Variants in AVL9 observed in about 807,000 individuals in gnomAD.
AVL9 encodes AVL9 cell migration associated.
Under a neutral mutation model 79.2 loss-of-function variants are expected in AVL9, and 49 were observed. That is an observed-to-expected ratio of 0.62 (90% confidence interval 0.49 to 0.79). AVL9 has a LOEUF of 0.79. Among genes scored for constraint, AVL9 ranks in the 30% least tolerant of loss-of-function variants. The pLI, the probability that AVL9 is intolerant of heterozygous loss-of-function variation, is 0.00. For synonymous variants in AVL9, 299 were observed against 280.6 expected, an observed-to-expected ratio of 1.07 and a Z score of -0.65; for missense variants, 682 against 776.8, an observed-to-expected ratio of 0.88 and a Z score of 1.45.
intron 13 of AVL9, 106 bp from the exon 14 acceptor site, chr7:32,580,113 C>G: frequency 1.2e-6 from 1 of 848,072 alleles, no homozygotes; most frequent in Non-Finnish European, 1.9e-6. Context: ...GCACTACCAC[C>G]CAGCTGTGTT....
chr7:32,527,687 G>C (rs891671872), intron 1 of AVL9, among the ~76,000 whole-genome samples: 1 of 152,050 alleles, frequency 6.6e-6, no homozygotes, highest in Non-Finnish European at 1.5e-5. Context: ...ATGGGCCCAC[G>C]GCAGGCTGCT....
chr7:32,520,398 C>A (rs796760536), intron 1 of AVL9, among the ~76,000 whole-genome samples: 1 of 152,148 alleles, frequency 6.6e-6, no homozygotes, highest in Non-Finnish European at 1.5e-5. Context: ...TATTGATGCA[C>A]GACCCACAGC....
chr7:32,546,983 A>G (rs1210517457), intron 3 of AVL9, among the ~76,000 whole-genome samples: 2 of 152,114 alleles, frequency 1.3e-5, no homozygotes, highest in Non-Finnish European at 2.9e-5. Flanking sequence ...TGCTGGGAGG[A>G]AAAGCAGATT....
intron 15 of AVL9, among the ~76,000 whole-genome samples, chr7:32,582,570 T>C (rs184357872): frequency 3.9e-5 from 6 of 152,324 alleles, no homozygotes; most frequent in Admixed American, 2.0e-4. Context: ...TCATTATACG[T>C]TATTATTTTT....
At chr7:32,568,670 C>T (rs1306009142) in intron 10 of AVL9, among the ~76,000 whole-genome samples, 1 of 152,112 alleles carries the variant, frequency 6.6e-6, no homozygotes, top group South Asian at 2.1e-4. Flanking sequence ...TTGTAGGATA[C>T]TGTAGGATAA....
intron 1 of AVL9, among the ~76,000 whole-genome samples, chr7:32,523,669 C>T (rs111893352): frequency 0.017 from 2,637 of 150,734 alleles, 73 homozygotes; most frequent in African/African-American, 0.06. Context: ...GGGTGTGCCA[C>T]CACACCTGCC....
chr7:32,548,696 C>T (rs1179000218), intron 3 of AVL9, 151 bp from the exon 4 acceptor site: 2 of 504,542 alleles, frequency 4.0e-6, no homozygotes, highest in Non-Finnish European at 6.7e-6. Context: ...TTTATTTGTT[C>T]AGTATTTCCT....
intron 1 of AVL9, among the ~76,000 whole-genome samples, chr7:32,519,437 A>G (rs973403824): frequency 1.6e-4 from 25 of 151,936 alleles, no homozygotes; most frequent in African/African-American, 6.0e-4. Context: ...CAAAAAAAAA[A>G]AAAAGAAAAG....
At chr7:32,580,724 T>TGG in intron 14 of AVL9, 78 bp from the exon 15 acceptor site, 1 of 903,486 alleles carries the variant, frequency 1.1e-6, no homozygotes, top group East Asian at 2.6e-5. Context: ...TGTGTGTGTG[T>TGG]CTATATGTGT....
intron 1 of AVL9, among the ~76,000 whole-genome samples, chr7:32,539,595 A>G (rs753545481): frequency 6.6e-6 from 1 of 152,186 alleles, no homozygotes; most frequent in Non-Finnish European, 1.5e-5. Context: ...TGCCTCTGAC[A>G]CTGTTGACTG....
Position 32,495,662 on chromosome 7 carries a change from G to T in AVL9, c.-48G>T, listed in dbSNP as rs759011452. On this transcript the variant is annotated 5_prime_UTR_variant, in exon 1 of 16. Coordinates refer to ENST00000318709, the MANE Select transcript of AVL9 (RefSeq NM_015060.3). ...CGCACACGGTGGGGTCGTCAGACCC[G>T]CTGCCCTTGGCGGTCGAAGTCGTCG... 7.4e-6 allele frequency: 9 copies of T among 1,214,312 alleles called. No individual in the cohort carries two copies. The highest frequency in any genetic ancestry group is 9.4e-6 in the Non-Finnish European group (9 of 954,956). 75.2% of individuals were successfully genotyped at this position (1,214,312 alleles called of 1,614,324 possible). A position where few individuals can be genotyped will look rare whatever the true frequency, so the allele number is the denominator to read the frequency against.
In AVL9 at chr7:32,559,077, T is replaced by C. The variant is rs1343920329; in HGVS notation, c.828T>C (p.Thr276=). Residue 276 remains threonine (T), a synonymous_variant, in exon 10 of 16, where the codon ACT becomes ACC. Transcript: ENST00000318709. ...ATGTTTCACATACCAACTTGGGAAC[T>C]ATCAGGAAAGTCATGGCAGGAAACC... is the stretch of plus-strand genomic sequence containing the variant. ...TADVSHTNLG[T]IRKVMAGNHG... is the part of the protein sequence containing the mutation. 7 of 1,614,060 alleles carry C rather than the reference T, an allele frequency of 4.3e-6. No individual in the cohort carries two copies. In the African/African-American group the frequency reaches 9.3e-5, roughly 22 times the overall value.
rs1454049451 is a variant in AVL9 at position 32,579,377 on chromosome 7, T to C, written c.1689-842T>C. 7.4e-5 allele frequency among the ~76,000 whole-genome samples: 2 copies of C among 27,120 alleles called. 1 individual carries two copies. Among genetic ancestry groups the C allele is most frequent in the Non-Finnish European group, 1.2e-4 (2 of 16,860 alleles). The allele number at this position is 27,120 out of a possible 152,430, so 17.8% of individuals were successfully genotyped here. A position where few individuals can be genotyped will look rare whatever the true frequency, so the allele number is the denominator to read the frequency against. ...TAATATATAACATATATAATATATG[T>C]TATATAACATATTATATGTTATATA... is the stretch of plus-strand genomic sequence containing the variant. On this transcript the variant is annotated intron_variant, in intron 13 of 15. Coordinates refer to ENST00000318709, the MANE Select transcript of AVL9 (RefSeq NM_015060.3).
chr7:32,517,473 T>G (rs1281314675), intron 1 of AVL9, among the ~76,000 whole-genome samples: 1 of 152,004 alleles, frequency 6.6e-6, no homozygotes, highest in Admixed American at 6.6e-5. Flanking sequence ...GCCTGGATAA[T>G]TTTTGTAGTT....
chr7:32,551,618 T>TTTTTTTC lies in AVL9; in HGVS notation c.462+201_462+202insCTTTTTT, dbSNP rs1789828071. Among the ~76,000 whole-genome samples, 2 of 148,266 alleles carry TTTTTTTC rather than the reference T, an allele frequency of 1.3e-5. 1 individual carries two copies. Among genetic ancestry groups the TTTTTTTC allele is most frequent in the African/African-American group, 4.9e-5 (2 of 40,466 alleles). ...AATTTAACCAAACTTTTTTTTTTTTTTTTTTTAGGAAATAATGACTACAAA... is the reference window on the plus strand; with the variant it reads ...AATTTAACCAAACTTTTTTTTTTTTTTTTTTTCTTTTTTAGGAAATAATGACTACAAA... On this transcript the variant is annotated intron_variant, in intron 5 of 15. Transcript: ENST00000318709.
rs1037159852 is a variant in AVL9 at position 32,586,463 on chromosome 7, C to CG, written c.*2556_*2557insG. 3 of 42,288 alleles carry CG rather than the reference C, an allele frequency of 7.1e-5. No individual in the cohort carries two copies. Among genetic ancestry groups the CG allele is most frequent in the Non-Finnish European group, 9.9e-5 (2 of 20,300 alleles). 2.6% of individuals were successfully genotyped at this position (42,288 alleles called of 1,614,324 possible). A position where few individuals can be genotyped will look rare whatever the true frequency, so the allele number is the denominator to read the frequency against. On this transcript the variant is annotated 3_prime_UTR_variant, in exon 16 of 16. Coordinates refer to ENST00000318709, the MANE Select transcript of AVL9 (RefSeq NM_015060.3). Reference sequence around the variant, plus strand: ...GAAGCCTCACCCCTGGTCCTGTGACCCCCCCCCCCCACACACACACATACT... The same window carrying CG: ...GAAGCCTCACCCCTGGTCCTGTGACCGCCCCCCCCCCACACACACACATACT...
rs1210917355 is a variant in AVL9 at position 32,549,927 on chromosome 7, AAAAG to A, written c.372+1021_372+1024del. ...GAGGGAGACTCCGTCTCAAAAAAAA[AAAAG>A]AAAGAAAGAAAAAAAAGAAAAGGAA... On this transcript the variant is annotated intron_variant, in intron 4 of 15. Coordinates refer to ENST00000318709, the MANE Select transcript of AVL9 (RefSeq NM_015060.3). Among the ~76,000 whole-genome samples the A allele has an allele frequency of 1.4e-4, 22 of 152,014 alleles. 1 individual carries two copies. Among genetic ancestry groups the A allele is most frequent in the South Asian group, 1.0e-3 (5 of 4,822 alleles).
intron 10 of AVL9, among the ~76,000 whole-genome samples, chr7:32,561,033 T>G (rs1447166218): frequency 6.6e-6 from 1 of 152,232 alleles, no homozygotes; most frequent in Non-Finnish European, 1.5e-5. Flanking sequence ...TAAAGAGATG[T>G]GCTGTCATCC....
chr7:32,508,967 C>T (rs561080439), intron 1 of AVL9, among the ~76,000 whole-genome samples: 11 of 152,330 alleles, frequency 7.2e-5, no homozygotes, highest in Admixed American at 5.9e-4. Flanking sequence ...TTATAATCAG[C>T]TTGCCAGGTT....
Sources: allele counts gnomAD v4.1 joint callset (sites outside exome capture counted in the v4.1 genomes callset), GRCh38; gene constraint gnomAD v4.1.1; transcripts MANE v1.5; gene names NCBI Gene and HGNC (gene_info 2026-07-23, HGNC 2026-07-21).